Variants in AFAP1L1 observed in about 807,000 individuals in gnomAD.
The protein encoded by AFAP1L1 is actin filament associated protein 1 like 1.
AFAP1L1 carries 77 observed loss-of-function variants against 99.8 expected under a neutral mutation model. The ratio of observed to expected loss-of-function variants is 0.77; its 90% CI spans 0.64 to 0.93. The LOEUF is 0.93. Among genes scored for constraint, AFAP1L1 ranks in the 40% least tolerant of loss-of-function variants. The pLI is 0.00. For missense variants in AFAP1L1, 893 were observed against 996.8 expected (o/e 0.90, Z 1.40); for synonymous variants, 373 against 395.3 (o/e 0.94, Z 0.67).
rs1466130611 is a variant in AFAP1L1, at chr5:149,320,513, C to T, written c.1698+50C>T. 4 of 1,532,440 alleles carry T rather than the reference C, an allele frequency of 2.6e-6. No homozygotes were observed. In the South Asian group the frequency reaches 3.4e-5, roughly 13 times the overall value. The allele number at this position is 1,532,440 out of a possible 1,614,324, so 94.9% of individuals were successfully genotyped here. A position where few individuals can be genotyped will look rare whatever the true frequency, so the allele number is the denominator to read the frequency against. On this transcript the variant is annotated intron_variant, in intron 14 of 18. Transcript: ENST00000296721. This position sits in a 1 kb window ranked among gnomAD's most constrained non-coding sequence, Gnocchi z 4.0. ...GAATGTGGCAAAGGCCACTTATTAG[C>T]TCTCCCTCTTTCTGCTCCCTTTACC...
chr5:149,328,281 C>A (rs1757150112), intron 15 of AFAP1L1, among the ~76,000 whole-genome samples: 1 of 152,176 alleles, frequency 6.6e-6, no homozygotes, highest in Non-Finnish European at 1.5e-5. Flanking sequence ...TTATTCTGCA[C>A]CGACTTATAT....
intron 7 of AFAP1L1, among the ~76,000 whole-genome samples, chr5:149,308,262 G>A (rs1253294174): frequency 2.6e-5 from 4 of 152,110 alleles, no homozygotes; most frequent in Non-Finnish European, 5.9e-5. Context: ...AAGTAAATGT[G>A]CTTATTTATA....
intron 8 of AFAP1L1, among the ~76,000 whole-genome samples, chr5:149,311,819 T>C (rs1756638139): frequency 6.6e-6 from 1 of 152,174 alleles, no homozygotes; most frequent in African/African-American, 2.4e-5. Context: ...ATGTTGCAGA[T>C]GTGGACACTG....
chr5:149,300,401 C>G, intron 3 of AFAP1L1, 47 bp downstream of exon 3: 1 of 1,542,414 alleles, frequency 6.5e-7, no homozygotes, highest in Non-Finnish European at 8.9e-7. Context: ...TCCCTCTTTC[C>G]CTGTGTATGC....
intron 12 of AFAP1L1, among the ~76,000 whole-genome samples, chr5:149,319,342 T>C (rs1756887374): frequency 6.6e-6 from 1 of 152,092 alleles, no homozygotes; most frequent in South Asian, 2.1e-4. Context: ...GCCTCTGTCT[T>C]AGAGAGGTCA....
At chr5:149,331,352 G>A (rs1000095430) in intron 16 of AFAP1L1, among the ~76,000 whole-genome samples, 1 of 152,150 alleles carries the variant, frequency 6.6e-6, no homozygotes, top group African/African-American at 2.4e-5. Flanking sequence ...TGGGTGCGGT[G>A]GCTCACGCCT....
chr5:149,289,332 G>A (rs781369557), intron 1 of AFAP1L1, among the ~76,000 whole-genome samples: 4 of 152,064 alleles, frequency 2.6e-5, no homozygotes, highest in Non-Finnish European at 5.9e-5. Context: ...TCCTGCAATC[G>A]CTGTAATTAA....
At chr5:149,304,417 C>G (rs1756330216) in intron 5 of AFAP1L1, 1 of 152,252 alleles carries the variant, frequency 6.6e-6, no homozygotes, top group South Asian at 2.1e-4. Flanking sequence ...TTTATACACT[C>G]AAGGACAGGG....
intron 6 of AFAP1L1, 81 bp from the exon 7 acceptor site, chr5:149,307,321 G>T (rs566068600): frequency 7.0e-7 from 1 of 1,433,820 alleles, no homozygotes; most frequent in Admixed American, 1.7e-5. Flanking sequence ...TCAGTCCCCA[G>T]TGCAGGGATC....
At chr5:149,298,303 T>C (rs1411454625) in intron 1 of AFAP1L1, among the ~76,000 whole-genome samples, 1 of 152,194 alleles carries the variant, frequency 6.6e-6, no homozygotes, top group African/African-American at 2.4e-5. Flanking sequence ...AGCCTTAGTG[T>C]CTTCATCTAA....
intron 16 of AFAP1L1, 49 bp downstream of exon 16, chr5:149,329,879 C>A: frequency 6.6e-7 from 1 of 1,510,896 alleles, no homozygotes; most frequent in Non-Finnish European, 8.9e-7. Context: ...CCAGCTCATC[C>A]TTGGGTACAG....
chr5:149,334,940 T>A (rs984074300), intron 17 of AFAP1L1, among the ~76,000 whole-genome samples: 1 of 151,936 alleles, frequency 6.6e-6, no homozygotes, highest in Non-Finnish European at 1.5e-5. Context: ...GAATCCTGGT[T>A]CTCCCACTCA....
At chr5:149,319,863 A>G in intron 13 of AFAP1L1, 136 bp downstream of exon 13, 1 of 1,294,778 alleles carries the variant, frequency 7.7e-7, no homozygotes, top group East Asian at 2.5e-5. Flanking sequence ...GTAAGCTGGA[A>G]TGAGTGTCTT....
chr5:149,271,875 T>TACC lies in AFAP1L1; in HGVS notation c.-94_-93insACC. On this transcript the variant is annotated 5_prime_UTR_variant, in exon 1 of 19. Coordinates refer to ENST00000296721, the MANE Select transcript of AFAP1L1 (RefSeq NM_152406.4). ...GGGGACCGCAGAGAGCGCCGGCCGC[T>TACC]GGGCTGGCCTGAGAGCGCAGCGCGC... 1 of 1,002,136 alleles carries TACC rather than the reference T, an allele frequency of 1.0e-6. No homozygotes were observed. Among genetic ancestry groups the TACC allele is most frequent in the Non-Finnish European group, 1.3e-6 (1 of 794,274 alleles). 62.1% of individuals were successfully genotyped at this position (1,002,136 alleles called of 1,614,324 possible).
chr5:149,334,575 G>A lies in AFAP1L1; in HGVS notation c.2155-1019G>A, dbSNP rs148837841. ...TATCTGGAAAAATGTAAGGGGTAAA[G>A]TTAATTTCAAAAATGAGAAGGAATA... On this transcript the variant is annotated intron_variant, in intron 17 of 18. Coordinates refer to ENST00000296721, the MANE Select transcript of AFAP1L1 (RefSeq NM_152406.4). Among the ~76,000 whole-genome samples the A allele has an allele frequency of 6.8e-3, 1,029 of 152,280 alleles. 36 individuals carry two copies. The highest frequency in any genetic ancestry group is 0.053 in the Admixed American group (812 of 15,284).
In AFAP1L1 at chr5:149,301,200, T is replaced by C. The variant is rs747337096; in HGVS notation, c.297T>C (p.Pro99=). 2 of 1,613,996 alleles carry C rather than the reference T, an allele frequency of 1.2e-6. No individual in the cohort carries two copies. The highest frequency in any genetic ancestry group is 8.5e-7 in the Non-Finnish European group (1 of 1,179,912). ...DDGEPSKGAS[P]ELAKSPRLRN... is the part of the protein sequence containing the mutation. ...GGGAGCCCAGCAAAGGAGCCAGCCC[T>C]GAGCTAGCCAAGAGCCCACGCCTGA... Residue 99 remains proline (P), a synonymous_variant, in exon 4 of 19, where the codon CCT becomes CCC. Coordinates refer to ENST00000296721, the MANE Select transcript of AFAP1L1 (RefSeq NM_152406.4).
chr5:149,294,867 A>T (rs1399890887), intron 1 of AFAP1L1, among the ~76,000 whole-genome samples: 1 of 152,188 alleles, frequency 6.6e-6, no homozygotes, highest in Non-Finnish European at 1.5e-5. Context: ...AGCTGGGCTG[A>T]AGTCTTCTGA....
At chr5:149,308,147 T>A (rs58839206) in intron 7 of AFAP1L1, among the ~76,000 whole-genome samples, 4,471 of 151,492 alleles carry the variant, frequency 0.03, 198 homozygotes, top group East Asian at 0.13. Flanking sequence ...AGATTCCATC[T>A]CAAAAACCAA....
At chr5:149,323,956 A>G (rs1757025463) in intron 15 of AFAP1L1, among the ~76,000 whole-genome samples, 1 of 152,262 alleles carries the variant, frequency 6.6e-6, no homozygotes, top group African/African-American at 2.4e-5. Context: ...CCTTTCTTCA[A>G]ATCAAATCTT....
Sources: allele counts gnomAD v4.1 joint callset (sites outside exome capture counted in the v4.1 genomes callset), GRCh38; gene constraint gnomAD v4.1.1; non-coding constraint Gnocchi (gnomAD v3.1); transcripts MANE v1.5; gene names NCBI Gene and HGNC (gene_info 2026-07-23, HGNC 2026-07-21).